BCAT1: variants seen among roughly 807,000 people sequenced by gnomAD.
The protein encoded by BCAT1 is branched chain amino acid transaminase 1.
Under a neutral mutation model 52.4 loss-of-function variants are expected in BCAT1, and 48 were observed. The ratio of observed to expected loss-of-function variants is 0.92; its 90% confidence interval spans 0.73 to 1.16. The LOEUF (loss-of-function observed/expected upper bound fraction) is 1.16, where lower values mean the gene tolerates loss of function less well. Ranked by LOEUF, BCAT1 falls within the 50% of genes most tolerant of loss-of-function variation. The pLI, the probability that BCAT1 is intolerant of heterozygous loss-of-function variation, is 0.00. For synonymous variants in BCAT1, 167 were observed against 161.3 expected, an observed-to-expected ratio of 1.04 and a Z score of -0.27; for missense variants, 451 against 457.1, an observed-to-expected ratio of 0.99 and a Z score of 0.12.
At chr12:24,905,397 G>A (rs1056700681) in intron 1 of BCAT1, among the ~76,000 whole-genome samples, 7 of 152,222 alleles carry the variant, frequency 4.6e-5, no homozygotes, top group African/African-American at 1.7e-4. Context: ...CAGTAGGGGA[G>A]AGAAGTTAAT....
chr12:24,903,383 C>T (rs148667348), intron 1 of BCAT1: 2 of 187,800 alleles, frequency 1.1e-5, no homozygotes, highest in Non-Finnish European at 2.2e-5. Context: ...GCTAAGGAAA[C>T]CTCGGAGAAA....
intron 3 of BCAT1, among the ~76,000 whole-genome samples, chr12:24,887,080 A>AAAAAAAAAAAAAAAAAAAATATAT (rs1245203518): frequency 2.5e-5 from 1 of 40,746 alleles, no homozygotes; most frequent in Non-Finnish European, 5.2e-5. Flanking sequence ...AAAAAAAAAA[A>AAAAAAAAAAAAAAAAAAAATATAT]ATATATATAT....
rs1400902207 is a variant in BCAT1 at position 24,824,307 on chromosome 12, C to A, written c.1119+5516G>T. Among the ~76,000 whole-genome samples, 7 of 148,440 alleles carry A rather than the reference C, an allele frequency of 4.7e-5. 1 individual carries two copies. Among genetic ancestry groups the A allele is most frequent in the Admixed American group, 4.7e-4 (7 of 14,948 alleles). ...CCCTCCCTCCCTCCCTCCCTCCTTCCTTTCGAGACAGGGTCTCTTTCTACA... is the reference window on the plus strand; with the variant it reads ...CCCTCCCTCCCTCCCTCCCTCCTTCATTTCGAGACAGGGTCTCTTTCTACA... On this transcript the variant is annotated intron_variant, in intron 10 of 10. Coordinates refer to ENST00000261192, the MANE Select transcript of BCAT1 (RefSeq NM_005504.7).
chr12:24,949,103 G>A, upstream of BCAT1: 1 of 620,654 alleles, frequency 1.6e-6, no homozygotes, highest in Admixed American at 3.0e-5. Context: ...CTGGATTGCA[G>A]ACCGGCCCTC....
At chr12:24,870,860 TAAA>T (rs1378552458) in intron 5 of BCAT1, among the ~76,000 whole-genome samples, 1 of 152,018 alleles carries the variant, frequency 6.6e-6, no homozygotes, top group African/African-American at 2.4e-5. Context: ...CCATCTCTAC[TAAA>T]AATACAAAAA....
chr12:24,894,231 G>A, intron 3 of BCAT1, 44 bp downstream of exon 3: 1 of 1,581,320 alleles, frequency 6.3e-7, no homozygotes, highest in Middle Eastern at 1.7e-4. Flanking sequence ...AGTACCCACA[G>A]TGAAGTGCAA....
intron 1 of BCAT1, among the ~76,000 whole-genome samples, chr12:24,928,293 G>A (rs1262495151): frequency 6.6e-5 from 10 of 152,094 alleles, no homozygotes; most frequent in Non-Finnish European, 1.5e-4. Context: ...ATGGATTAAT[G>A]GATTAACTGC....
At chr12:24,840,867 A>G (rs1443814080) in intron 7 of BCAT1, among the ~76,000 whole-genome samples, 1 of 152,246 alleles carries the variant, frequency 6.6e-6, no homozygotes, top group African/African-American at 2.4e-5. Flanking sequence ...AACATCATTT[A>G]TATTTCTAGT....
chr12:24,895,535 AAAAAG>A (rs957174291), intron 2 of BCAT1, among the ~76,000 whole-genome samples: 5 of 151,960 alleles, frequency 3.3e-5, no homozygotes, highest in Admixed American at 6.6e-5. Context: ...CAGAAAAAAA[AAAAAG>A]AAAAGAAAAG....
chr12:24,887,163 G>A (rs546826327), intron 3 of BCAT1, among the ~76,000 whole-genome samples: 1 of 140,722 alleles, frequency 7.1e-6, no homozygotes, highest in Non-Finnish European at 1.5e-5. Context: ...ACCACTAGTA[G>A]GGTACCCAGG....
rs1325106485 is a variant in BCAT1 at position 24,948,963 on chromosome 12, T to C, written c.-31A>G. 4 of 1,588,496 alleles carry C rather than the reference T, an allele frequency of 2.5e-6. No individual in the cohort carries two copies. Among genetic ancestry groups the C allele is most frequent in the African/African-American group, 1.3e-5 (1 of 74,490 alleles). Reference sequence around the variant, plus strand: ...CGTCGGCCACGAGGGAAGCTCGAGCTGAGCGGAGGGCAGATCCCAAGGGTC... The same window carrying C: ...CGTCGGCCACGAGGGAAGCTCGAGCCGAGCGGAGGGCAGATCCCAAGGGTC... On this transcript the variant is annotated 5_prime_UTR_variant, in exon 1 of 11. Coordinates refer to ENST00000261192, the MANE Select transcript of BCAT1 (RefSeq NM_005504.7).
chr12:24,859,606 C>A (rs1591815121), intron 5 of BCAT1, among the ~76,000 whole-genome samples: 2 of 123,136 alleles, frequency 1.6e-5, no homozygotes, highest in African/African-American at 3.2e-5. Context: ...GGCGACAGAG[C>A]CAGACTCGTC....
chr12:24,886,146 C>T (rs1020970246), intron 3 of BCAT1, among the ~76,000 whole-genome samples: 2 of 152,148 alleles, frequency 1.3e-5, no homozygotes, highest in African/African-American at 2.4e-5. Flanking sequence ...AGCTGGGAAC[C>T]GTGGCTCACG....
intron 10 of BCAT1, among the ~76,000 whole-genome samples, chr12:24,822,984 T>C (rs1332055635): frequency 6.6e-6 from 1 of 152,004 alleles, no homozygotes. Context: ...TATATTTTAC[T>C]TTTAAACTTT....
intron 6 of BCAT1, among the ~76,000 whole-genome samples, 151 bp from the exon 7 acceptor site, chr12:24,842,375 A>G (rs1357585650): frequency 2.0e-5 from 3 of 152,248 alleles, no homozygotes; most frequent in East Asian, 3.8e-4. Flanking sequence ...AGTCAACTGC[A>G]TAACATTAAA....
chr12:24,868,103 C>CATGGCAGGAGAA (rs1415922413), intron 5 of BCAT1, among the ~76,000 whole-genome samples: 1 of 152,200 alleles, frequency 6.6e-6, no homozygotes, highest in African/African-American at 2.4e-5. Flanking sequence ...CAATGCAACT[C>CATGGCAGGAGAA]ATGGCAGGAG....
chr12:24,860,617 T>C (rs1485285631), intron 5 of BCAT1, among the ~76,000 whole-genome samples: 1 of 152,220 alleles, frequency 6.6e-6, no homozygotes, highest in East Asian at 1.9e-4. Context: ...TACCAGGGCT[T>C]TGACTGGAAT....
intron 1 of BCAT1, among the ~76,000 whole-genome samples, chr12:24,925,881 T>G (rs1943571829): frequency 6.6e-6 from 1 of 152,244 alleles, no homozygotes; most frequent in Non-Finnish European, 1.5e-5. Context: ...CGGAGTCTCG[T>G]TCACTCAGTG....
intron 1 of BCAT1, among the ~76,000 whole-genome samples, chr12:24,924,450 T>C (rs1943550376): frequency 6.6e-6 from 1 of 152,146 alleles, no homozygotes; most frequent in Non-Finnish European, 1.5e-5. Flanking sequence ...GGCGACCACC[T>C]TCACCAGCTA....
Sources: gnomAD v4.1 joint callset for allele counts (sites outside exome capture counted in the v4.1 genomes callset) on GRCh38, gnomAD v4.1.1 for gene constraint, MANE v1.5 for transcripts, NCBI Gene and HGNC (gene_info 2026-07-23, HGNC 2026-07-21) for gene names.